The following AGPAT5 variants were observed in gnomAD, a reference collection of about 807,000 sequenced individuals.
The protein encoded by AGPAT5 is 1-acylglycerol-3-phosphate O-acyltransferase 5.
AGPAT5 carries 46 observed loss-of-function variants against 45.6 expected under a neutral mutation model. The observed-to-expected ratio is 1.01, with a 90% CI of 0.80 to 1.29. AGPAT5 has a LOEUF of 1.29. AGPAT5 is among the 50% of genes most tolerant of loss of function. The pLI is 0.00. For synonymous variants in AGPAT5, 272 were observed against 167.0 expected (o/e 1.63, Z -4.85); for missense variants, 673 against 450.7 (o/e 1.49, Z -4.47).
intron 1 of AGPAT5, among the ~76,000 whole-genome samples, chr8:6,709,798 T>C (rs1483334489): frequency 6.6e-6 from 1 of 152,166 alleles, no homozygotes; most frequent in African/African-American, 2.4e-5. Context: ...GTTGCACTGC[T>C]GATCGACCCT....
chr8:6,760,631 G>A lies in AGPAT5; in HGVS notation c.*3243G>A, dbSNP rs1259115571. ...TTTCTTGGCAGATATTCCGTATCTG[G>A]TGGAAAGCTACAATGCAATGTCGTT... On this transcript the variant is annotated 3_prime_UTR_variant, in exon 8 of 8. Coordinates refer to ENST00000285518, the MANE Select transcript of AGPAT5 (RefSeq NM_018361.5). 4.6e-5 allele frequency among the ~76,000 whole-genome samples: 7 copies of A among 152,170 alleles called. No homozygotes were observed. In the East Asian group the frequency reaches 1.2e-3, roughly 25 times the overall value.
At chr8:6,740,728 C>G (rs1037886875) in intron 4 of AGPAT5, among the ~76,000 whole-genome samples, 2 of 151,934 alleles carry the variant, frequency 1.3e-5, no homozygotes, top group African/African-American at 4.8e-5. Context: ...CATAGGTCAT[C>G]CAGATGAAGG....
At position 6,755,160 on chromosome 8, in the gene AGPAT5, C is replaced by A. The variant is rs764417548; in HGVS notation, c.855C>A (p.Phe285Leu). ...EHMRRWLHER[F>L]EIKDKMLIEF... Reference sequence around the variant, plus strand: ...TGAGAAGATGGCTGCATGAACGTTTCGAAATCAAAGATAAGTGAGTAACAA... The same window carrying A: ...TGAGAAGATGGCTGCATGAACGTTTAGAAATCAAAGATAAGTGAGTAACAA... Residue 285 changes from phenylalanine (F) to leucine (L), a missense_variant, in exon 7 of 8, where the codon TTC becomes TTA. Transcript: ENST00000285518. The A allele has an allele frequency of 6.3e-7, 1 of 1,598,258 alleles. No homozygotes were observed.
Position 6,708,743 on chromosome 8 carries a change from G to A in AGPAT5, c.75G>A (p.Ala25=), listed in dbSNP as rs1170135745. The change falls in exon 1 of 8, where the codon GCG becomes GCA. Residue 25 remains alanine (A), a synonymous_variant. Coordinates refer to ENST00000285518, the MANE Select transcript of AGPAT5 (RefSeq NM_018361.5). ...LLPSVVLLGT[A]PTYVLAWGVW... ...CCAGCGTCGTGCTCCTGGGCACGGC[G>A]CCCACCTACGTGTTGGCCTGGGGGG... is the stretch of plus-strand genomic sequence containing the variant. 1 of 1,607,742 alleles carries A rather than the reference G, an allele frequency of 6.2e-7. No homozygotes were observed. Among genetic ancestry groups the A allele is most frequent in the Middle Eastern group, 1.7e-4 (1 of 6,056 alleles).
intron 6 of AGPAT5, among the ~76,000 whole-genome samples, chr8:6,748,490 A>T (rs879783116): frequency 6.6e-6 from 1 of 151,984 alleles, no homozygotes; most frequent in Non-Finnish European, 1.5e-5. Flanking sequence ...ACTAGGCTTC[A>T]TGGGGTTTTT....
At chr8:6,718,916 G>A (rs1488531997) in intron 1 of AGPAT5, among the ~76,000 whole-genome samples, 2 of 152,172 alleles carry the variant, frequency 1.3e-5, no homozygotes, top group Non-Finnish European at 2.9e-5. Flanking sequence ...AAGTACCTTA[G>A]AACTCTGTGG....
In AGPAT5 at chr8:6,747,690, G is replaced by T; in HGVS notation, c.607G>T (p.Val203Leu). ...AQRGLAVLKH[V>L]LTPRIKATHV... Reference sequence around the variant, plus strand: ...TCTAGGCCTTGCAGTATTAAAACATGTGCTAACACCACGAATAAAGGCAAC... The same window carrying T: ...TCTAGGCCTTGCAGTATTAAAACATTTGCTAACACCACGAATAAAGGCAAC... The change falls in exon 6 of 8, where the codon GTG (valine) becomes TTG (leucine). Residue 203 changes from valine (V) to leucine (L), a missense_variant. Transcript: ENST00000285518. The T allele has an allele frequency of 6.2e-7, 1 of 1,614,102 alleles. No homozygotes were observed. The highest frequency in any genetic ancestry group is 8.5e-7 in the Non-Finnish European group (1 of 1,179,984).
At chr8:6,748,907 G>GAAGC (rs1480940725) in intron 6 of AGPAT5, among the ~76,000 whole-genome samples, 1 of 152,182 alleles carries the variant, frequency 6.6e-6, no homozygotes, top group Non-Finnish European at 1.5e-5. Context: ...ACCCTCACCT[G>GAAGC]AAGCATTCGT....
At chr8:6,742,221 T>G (rs1465155279) in intron 5 of AGPAT5, among the ~76,000 whole-genome samples, 1 of 152,226 alleles carries the variant, frequency 6.6e-6, no homozygotes, top group African/African-American at 2.4e-5. Context: ...TAAGTAGATC[T>G]AAATCTGTGT....
chr8:6,719,031 A>G (rs773959743), intron 1 of AGPAT5, among the ~76,000 whole-genome samples: 1 of 152,206 alleles, frequency 6.6e-6, no homozygotes, highest in African/African-American at 2.4e-5. Flanking sequence ...GTACCTTTCC[A>G]TGGTCGAAGA....
At chr8:6,736,220 G>C (rs920924630) in intron 4 of AGPAT5, among the ~76,000 whole-genome samples, 3 of 152,124 alleles carry the variant, frequency 2.0e-5, no homozygotes, top group Non-Finnish European at 4.4e-5. Context: ...TCAAAACTAA[G>C]AAATAAACAT....
Position 6,761,084 on chromosome 8 carries a change from A to G in AGPAT5, c.*3696A>G, listed in dbSNP as rs893969921. ...TCAAAGACATATACCTTGTTATTAT[A>G]ATATGTATACTATAATAATAGCTGG... On this transcript the variant is annotated 3_prime_UTR_variant, in exon 8 of 8. Coordinates refer to ENST00000285518, the MANE Select transcript of AGPAT5 (RefSeq NM_018361.5). Among the ~76,000 whole-genome samples, 2 of 152,224 alleles carry G rather than the reference A, an allele frequency of 1.3e-5. No homozygotes were observed. The highest frequency in any genetic ancestry group is 4.8e-5 in the African/African-American group (2 of 41,472).
At position 6,757,690 on chromosome 8, in the gene AGPAT5, C is replaced by T. The variant is rs532888683; in HGVS notation, c.*302C>T. 8.2e-6 allele frequency: 2 copies of T among 243,236 alleles called. No homozygotes were observed. The highest frequency in any genetic ancestry group is 2.2e-5 in the African/African-American group (1 of 44,916). The allele number at this position is 243,236 out of a possible 1,614,324, so 15.1% of individuals were successfully genotyped here. ...AAGGCTGGGAGGATTGTGTATTTTG[C>T]AAGTCAGATGGCTGCATTTTTGAGC... On this transcript the variant is annotated 3_prime_UTR_variant, in exon 8 of 8. Coordinates refer to ENST00000285518, the MANE Select transcript of AGPAT5 (RefSeq NM_018361.5).
In AGPAT5 at chr8:6,718,606, G is replaced by T. The variant is rs1409688161; in HGVS notation, c.220-6264G>T. On this transcript the variant is annotated intron_variant, in intron 1 of 7. Coordinates refer to ENST00000285518, the MANE Select transcript of AGPAT5 (RefSeq NM_018361.5). ...TGATTTTACTGGGCAAGACTATGTT[G>T]ATTTACAGGCGGCTGATGATTCCAT... Among the ~76,000 whole-genome samples, 3 of 152,204 alleles carry T rather than the reference G, an allele frequency of 2.0e-5. No homozygotes were observed. In the South Asian group the frequency reaches 6.2e-4, roughly 32 times the overall value.
chr8:6,709,471 TTC>T (rs1800067333), intron 1 of AGPAT5: 1 of 152,882 alleles, frequency 6.5e-6, no homozygotes, highest in Non-Finnish European at 1.5e-5. Flanking sequence ...CTGTTACTGT[TTC>T]TCTGTAGAGA....
chr8:6,723,449 A>T (rs1587011741), intron 1 of AGPAT5, among the ~76,000 whole-genome samples: 1 of 149,246 alleles, frequency 6.7e-6, no homozygotes, highest in Non-Finnish European at 1.5e-5. Flanking sequence ...GCCCCTACCG[A>T]CCCCGCCCGC....
intron 1 of AGPAT5, among the ~76,000 whole-genome samples, chr8:6,723,554 G>T (rs929175898): frequency 2.0e-5 from 3 of 151,922 alleles, no homozygotes; most frequent in Admixed American, 6.6e-5. Flanking sequence ...CATACTCAAT[G>T]GTCTTGATGC....
At chr8:6,743,360 A>G (rs949451006) in intron 5 of AGPAT5, among the ~76,000 whole-genome samples, 4 of 152,170 alleles carry the variant, frequency 2.6e-5, no homozygotes, top group Non-Finnish European at 5.9e-5. Flanking sequence ...ACCCATTTGT[A>G]CAATTGTCCA....
At chr8:6,730,929 T>C (rs979869477) in intron 3 of AGPAT5, 103 bp downstream of exon 3, 1 of 672,040 alleles carries the variant, frequency 1.5e-6, no homozygotes. Context: ...AGTGCAGTGG[T>C]GTGAACACAG....
Sources: allele counts gnomAD v4.1 joint callset (sites outside exome capture counted in the v4.1 genomes callset), GRCh38; gene constraint gnomAD v4.1.1; transcripts MANE v1.5; gene names NCBI Gene and HGNC (gene_info 2026-07-23, HGNC 2026-07-21).